Variants in GK5 observed in about 807,000 individuals in gnomAD.
The protein encoded by GK5 is ATP:glycerol 3-phosphotransferase 5.
GK5 carries 39 observed loss-of-function variants against 77.3 expected under a neutral mutation model. The ratio of observed to expected loss-of-function variants is 0.50; its 90% CI spans 0.39 to 0.66. The LOEUF (loss-of-function observed/expected upper bound fraction) is 0.66, where lower values mean the gene tolerates loss of function less well. Among genes scored for constraint, GK5 ranks in the 30% least tolerant of loss-of-function variants. GK5 has a pLI of 0.00. For missense variants in GK5, 487 were observed against 633.8 expected, an observed-to-expected ratio of 0.77 and a Z score of 2.49; for synonymous variants, 211 against 208.0, an observed-to-expected ratio of 1.01 and a Z score of -0.13.
intron 1 of GK5, among the ~76,000 whole-genome samples, chr3:142,216,552 T>C (rs9857758): frequency 0.064 from 9,781 of 152,074 alleles, 877 homozygotes; most frequent in African/African-American, 0.2. Flanking sequence ...TCTCTGTGTG[T>C]TTCTGCTGCC....
rs181921938 is a variant in GK5, at chr3:142,177,476, A to G, written c.1143+6T>C. ...GTGATTGCCATTAACTTTAAAAAAT[A>G]CATACCTGTAATCCACTAAAAGATG... On this transcript the variant is annotated splice_donor_region_variant and intron_variant, in intron 12 of 15. Transcript: ENST00000392993. The G allele has an allele frequency of 3.7e-5, 56 of 1,529,370 alleles. No individual in the cohort carries two copies. The Admixed American group carries it at 6.8e-4, about 19-fold the overall frequency. The allele number at this position is 1,529,370 out of a possible 1,614,324, so 94.7% of individuals were successfully genotyped here.
intron 13 of GK5, among the ~76,000 whole-genome samples, chr3:142,172,135 T>C (rs2063547662): frequency 6.6e-6 from 1 of 152,070 alleles, no homozygotes; most frequent in Admixed American, 6.6e-5. Flanking sequence ...TTTTCAGATA[T>C]CAAGTCTGAG....
chr3:142,203,827 T>G lies in GK5; in HGVS notation c.411+868A>C, dbSNP rs75863938. On this transcript the variant is annotated intron_variant, in intron 4 of 15. Transcript: ENST00000392993. ...TTAATATGGAATATTGATTATGACATAAAATACTGTAGGTCTGACACCACT... is the reference window on the plus strand; with the variant it reads ...TTAATATGGAATATTGATTATGACAGAAAATACTGTAGGTCTGACACCACT... Among the ~76,000 whole-genome samples the G allele has an allele frequency of 5.6e-3, 850 of 152,230 alleles. 10 individuals carry two copies. Among genetic ancestry groups the G allele is most frequent in the African/African-American group, 0.019 (810 of 41,566 alleles).
At chr3:142,183,163 T>G in intron 9 of GK5, 114 bp from the exon 10 acceptor site, 2 of 961,526 alleles carry the variant, frequency 2.1e-6, no homozygotes, top group Admixed American at 5.4e-5. Context: ...TTCTTTTTCC[T>G]TTTCCTTAAA....
intron 12 of GK5, among the ~76,000 whole-genome samples, chr3:142,175,539 T>C (rs1422749383): frequency 1.2e-4 from 18 of 152,240 alleles, no homozygotes; most frequent in African/African-American, 3.9e-4. Flanking sequence ...GTTGTTCACA[T>C]AGGCAGATTA....
intron 3 of GK5, among the ~76,000 whole-genome samples, chr3:142,211,521 G>A (rs2064187966): frequency 6.6e-6 from 1 of 152,214 alleles, no homozygotes; most frequent in African/African-American, 2.4e-5. Context: ...GCCGAGCATG[G>A]TGGCTCACGC....
At position 142,225,565 on chromosome 3, in the gene GK5, C is replaced by G. The variant is rs1007158174; in HGVS notation, c.-110G>C. On this transcript the variant is annotated 5_prime_UTR_variant, in exon 1 of 16. Coordinates refer to ENST00000392993, the MANE Select transcript of GK5 (RefSeq NM_001039547.3). ...CAACCCGGGCCCCAACCCGGCTCAG[C>G]CGGAGAGCCTAGAGAGGCCTGGCCC... 1.4e-6 allele frequency: 2 copies of G among 1,393,406 alleles called. No individual in the cohort carries two copies. The highest frequency in any genetic ancestry group is 9.6e-7 in the Non-Finnish European group (1 of 1,044,396). The allele number at this position is 1,393,406 out of a possible 1,614,324, so 86.3% of individuals were successfully genotyped here. A position where few individuals can be genotyped will look rare whatever the true frequency, so the allele number is the denominator to read the frequency against.
At chr3:142,180,172 G>A (rs1308653402) in intron 11 of GK5, among the ~76,000 whole-genome samples, 1 of 152,124 alleles carries the variant, frequency 6.6e-6, no homozygotes, top group Non-Finnish European at 1.5e-5. Flanking sequence ...TTCTTCCCGT[G>A]CGCCCACTCC....
At chr3:142,208,964 A>G (rs113294247) in intron 3 of GK5, among the ~76,000 whole-genome samples, 3,567 of 152,260 alleles carry the variant, frequency 0.023, 143 homozygotes, top group African/African-American at 0.08. Context: ...CCTGGCTAAC[A>G]TGGTGAAACC....
At chr3:142,187,309 A>G (rs933269579) in intron 6 of GK5, among the ~76,000 whole-genome samples, 2 of 152,132 alleles carry the variant, frequency 1.3e-5, no homozygotes, top group Non-Finnish European at 2.9e-5. Context: ...GGGGGAAAAA[A>G]AAAAAAACTT....
In GK5 at chr3:142,158,005, G is replaced by A. The variant is rs1294401561; in HGVS notation, c.*7617C>T. The A allele has an allele frequency of 6.6e-6, 1 of 151,076 alleles. No individual in the cohort carries two copies. The highest frequency in any genetic ancestry group is 1.5e-5 in the Non-Finnish European group (1 of 67,932). 9.4% of individuals were successfully genotyped at this position (151,076 alleles called of 1,614,324 possible). A position where few individuals can be genotyped will look rare whatever the true frequency, so the allele number is the denominator to read the frequency against. On this transcript the variant is annotated 3_prime_UTR_variant, in exon 16 of 16. Transcript: ENST00000392993. ...CTCACTCTGTCACCCAGGCAGGAGTGCAGTGGCGCGATCTCAGCTCACTGC... is the reference window on the plus strand; with the variant it reads ...CTCACTCTGTCACCCAGGCAGGAGTACAGTGGCGCGATCTCAGCTCACTGC...
intron 12 of GK5, among the ~76,000 whole-genome samples, chr3:142,173,865 C>T (rs1015326766): frequency 6.6e-6 from 1 of 152,154 alleles, no homozygotes; most frequent in African/African-American, 2.4e-5. Flanking sequence ...TCAGAAAAAG[C>T]ACCTTCTAGC....
chr3:142,212,069 T>A (rs2064195050), intron 3 of GK5, among the ~76,000 whole-genome samples: 1 of 152,196 alleles, frequency 6.6e-6, no homozygotes, highest in Admixed American at 6.5e-5. Context: ...AGAAGCCAAG[T>A]CCTTGTGAAT....
intron 5 of GK5, among the ~76,000 whole-genome samples, chr3:142,197,771 T>C (rs1247365605): frequency 6.6e-6 from 1 of 152,186 alleles, no homozygotes; most frequent in Non-Finnish European, 1.5e-5. Flanking sequence ...ATGCTTGTAA[T>C]CCCAGCACTT....
chr3:142,202,573 AC>A (rs1007800314), intron 4 of GK5, among the ~76,000 whole-genome samples: 14 of 152,184 alleles, frequency 9.2e-5, no homozygotes, highest in African/African-American at 3.1e-4. Context: ...GAGAACCAAA[AC>A]TTTGATCATG....
chr3:142,193,491 A>C (rs1185418299), intron 5 of GK5, among the ~76,000 whole-genome samples: 1 of 151,602 alleles, frequency 6.6e-6, no homozygotes, highest in African/African-American at 2.4e-5. Flanking sequence ...TACAAAAAAA[A>C]AAAAACAAAA....
rs572778393 is a variant in GK5 at position 142,200,387 on chromosome 3, C to T, written c.412-1454G>A. On this transcript the variant is annotated intron_variant, in intron 4 of 15. Transcript: ENST00000392993. ...TTCACCATGTTGGCCAGGCTGGTCT[C>T]GAACTCCTGACTTCAGGTGATCCGC... Among the ~76,000 whole-genome samples, 5 of 152,218 alleles carry T rather than the reference C, an allele frequency of 3.3e-5. 1 individual carries two copies. Among genetic ancestry groups the T allele is most frequent in the African/African-American group, 1.2e-4 (5 of 41,544 alleles).
intron 6 of GK5, 30 bp downstream of exon 6, chr3:142,187,674 T>C: frequency 1.3e-6 from 2 of 1,505,932 alleles, no homozygotes; most frequent in Non-Finnish European, 1.8e-6. Context: ...ATTTCGGTTA[T>C]TTAAAATAGA....
chr3:142,212,811 G>A (rs2064206654), intron 3 of GK5, among the ~76,000 whole-genome samples: 1 of 116,094 alleles, frequency 8.6e-6, no homozygotes, highest in Admixed American at 8.6e-5. Context: ...TGCCTCATAT[G>A]CTATAGACAA....
Sources: gnomAD v4.1 joint callset for allele counts (sites outside exome capture counted in the v4.1 genomes callset) on GRCh38, gnomAD v4.1.1 for gene constraint, MANE v1.5 for transcripts, NCBI Gene and HGNC (gene_info 2026-07-23, HGNC 2026-07-21) for gene names.